The following NREP variants were observed in gnomAD, a reference collection of about 807,000 sequenced individuals.
NREP encodes the protein neuronal regeneration related protein.
In NREP, 5 loss-of-function variants were observed where a neutral mutation model predicts 8.6. That is an observed-to-expected ratio of 0.58 (90% confidence interval 0.30 to 1.22). NREP has a LOEUF of 1.22. NREP is among the 50% of genes most tolerant of loss of function. The pLI is 0.07. For missense variants in NREP, 86 were observed against 82.5 expected, an observed-to-expected ratio of 1.04 and a Z score of -0.17; for synonymous variants, 27 against 28.0, an observed-to-expected ratio of 0.96 and a Z score of 0.11.
At chr5:111,777,343 G>GGT (rs1751388569) in intron 2 of NREP, among the ~76,000 whole-genome samples, 1 of 147,760 alleles carries the variant, frequency 6.8e-6, no homozygotes, top group Non-Finnish European at 1.5e-5. Flanking sequence ...GTGTGGTGTG[G>GGT]GTGTGTGTGT....
chr5:111,741,919 C>G (rs188545927), intron 2 of NREP, among the ~76,000 whole-genome samples: 4 of 151,650 alleles, frequency 2.6e-5, no homozygotes, highest in African/African-American at 9.7e-5. Context: ...GAACACCCAA[C>G]TACTGCACTC....
At chr5:111,925,759 C>T (rs58568414) in intron 2 of NREP, among the ~76,000 whole-genome samples, 2,625 of 152,230 alleles carry the variant, frequency 0.017, 36 homozygotes, top group African/African-American at 0.041. Context: ...AGTTTGGCCC[C>T]AGTTTTTCAT....
At chr5:111,897,399 A>T (rs1754537059) in intron 2 of NREP, among the ~76,000 whole-genome samples, 1 of 152,190 alleles carries the variant, frequency 6.6e-6, no homozygotes, top group Non-Finnish European at 1.5e-5. Flanking sequence ...CCAAATGTTA[A>T]CGGCTCATTT....
At chr5:111,817,602 G>A (rs748346727) in intron 2 of NREP, among the ~76,000 whole-genome samples, 3 of 152,046 alleles carry the variant, frequency 2.0e-5, no homozygotes, top group African/African-American at 7.2e-5. Flanking sequence ...TCAGGAGATC[G>A]AGACCATTCT....
chr5:111,874,627 G>A (rs758178479), intron 2 of NREP, among the ~76,000 whole-genome samples: 30 of 152,146 alleles, frequency 2.0e-4, no homozygotes, highest in African/African-American at 4.8e-4. Flanking sequence ...CTTTGGAGCC[G>A]GAAACCTTAG....
intron 2 of NREP, among the ~76,000 whole-genome samples, chr5:111,845,271 A>G (rs1753132895): frequency 8.7e-6 from 1 of 114,416 alleles, no homozygotes; most frequent in African/African-American, 2.6e-5. Context: ...ACCTCACTCA[A>G]TGCATCTTTT....
upstream of NREP, among the ~76,000 whole-genome samples, chr5:111,761,682 C>T (rs935176405): frequency 5.3e-5 from 8 of 152,152 alleles, no homozygotes; most frequent in Non-Finnish European, 8.8e-5. Flanking sequence ...TCCTTCTCAA[C>T]GAAATCTTGA....
chr5:111,976,674 C>T (rs1297045017), intron 1 of NREP: 1 of 1,521,668 alleles, frequency 6.6e-7, no homozygotes, highest in Non-Finnish European at 8.9e-7. Context: ...AAAATGTCCC[C>T]TCATATGCAT....
intron 2 of NREP, among the ~76,000 whole-genome samples, chr5:111,797,169 A>G (rs535935648): frequency 6.6e-6 from 1 of 152,248 alleles, no homozygotes; most frequent in Non-Finnish European, 1.5e-5. Context: ...ATTAGAGATG[A>G]AAACTGAGAT....
chr5:111,786,197 T>C (rs1279133067), intron 2 of NREP, among the ~76,000 whole-genome samples: 1 of 152,240 alleles, frequency 6.6e-6, no homozygotes, highest in Non-Finnish European at 1.5e-5. Flanking sequence ...AATGGTTTTA[T>C]AAGGGGCTCT....
In NREP at chr5:111,852,002, C is replaced by G. The variant is rs543958236; in HGVS notation, c.136-116495G>C. The stretch of plus-strand genomic sequence containing the variant: ...CAAAATTCATGTTGAAACTTACCCC[C>G]CATTGTGGTAGTAGTAAGAGGCGGT... On this transcript the variant is annotated intron_variant, in intron 2 of 3. Coordinates refer to the NREP transcript ENST00000395634. Among the ~76,000 whole-genome samples the G allele has an allele frequency of 2.6e-5, 4 of 152,238 alleles. No homozygotes were observed. In the East Asian group the frequency reaches 7.7e-4, roughly 29 times the overall value.
intron 2 of NREP, among the ~76,000 whole-genome samples, chr5:111,904,716 T>C (rs1407808116): frequency 2.0e-5 from 3 of 152,136 alleles, no homozygotes; most frequent in South Asian, 4.1e-4. Flanking sequence ...GATCGACAGA[T>C]GCTAGAAGAG....
chr5:111,789,661 C>T (rs1358713288), intron 2 of NREP, among the ~76,000 whole-genome samples: 4 of 152,110 alleles, frequency 2.6e-5, no homozygotes, highest in Non-Finnish European at 5.9e-5. Context: ...TCTCATTGTA[C>T]TTTCAGTACA....
intron 2 of NREP, among the ~76,000 whole-genome samples, chr5:111,878,995 C>G (rs1753980544): frequency 6.6e-6 from 1 of 152,184 alleles, no homozygotes; most frequent in Non-Finnish European, 1.5e-5. Flanking sequence ...AATGTGACCA[C>G]CAATGTTAGA....
chr5:111,910,079 A>AT (rs1434792766), intron 2 of NREP, among the ~76,000 whole-genome samples: 5 of 152,092 alleles, frequency 3.3e-5, no homozygotes, highest in Admixed American at 2.6e-4. Context: ...GAGAACATAT[A>AT]TTACTGAATT....
intron 2 of NREP, among the ~76,000 whole-genome samples, chr5:111,787,349 C>T (rs1289053743): frequency 6.6e-6 from 1 of 152,090 alleles, no homozygotes; most frequent in Non-Finnish European, 1.5e-5. Context: ...TTCTTCCTTC[C>T]AATTGTTATT....
At chr5:111,754,987 G>A (rs1750609679) in intron 2 of NREP, among the ~76,000 whole-genome samples, 1 of 152,166 alleles carries the variant, frequency 6.6e-6, no homozygotes, top group East Asian at 1.9e-4. Flanking sequence ...AGGACACGCT[G>A]TACTTCACTA....
chr5:111,803,394 T>C (rs982391938), intron 2 of NREP, among the ~76,000 whole-genome samples: 1 of 152,162 alleles, frequency 6.6e-6, no homozygotes, highest in African/African-American at 2.4e-5. Flanking sequence ...ATCAACTAAA[T>C]TTTTTGTCTA....
intron 2 of NREP, among the ~76,000 whole-genome samples, chr5:111,777,829 T>C (rs755865348): frequency 4.6e-5 from 7 of 152,070 alleles, no homozygotes; most frequent in Non-Finnish European, 2.9e-5. Flanking sequence ...CAGGTCCCAA[T>C]TGTATTCTCC....
Sources: gnomAD v4.1 joint callset for allele counts (sites outside exome capture counted in the v4.1 genomes callset) on GRCh38, gnomAD v4.1.1 for gene constraint, MANE v1.5 for transcripts, NCBI Gene and HGNC (gene_info 2026-07-23, HGNC 2026-07-21) for gene names.